CIT: variants seen among roughly 807,000 people sequenced by gnomAD.
CIT encodes the protein citron rho-interacting serine/threonine kinase.
CIT carries 79 observed loss-of-function variants against 272.7 expected under a neutral mutation model. The observed-to-expected ratio is 0.29, with a 90% CI of 0.24 to 0.35. The LOEUF is 0.35. Among genes scored for constraint, CIT ranks in the 10% least tolerant of loss-of-function variants. CIT has a pLI of 1.00. For synonymous variants in CIT, 948 were observed against 995.6 expected (o/e 0.95, Z 0.90); for missense variants, 1,909 against 2,618.3 (o/e 0.73, Z 5.91).
intron 32 of CIT, among the ~76,000 whole-genome samples, chr12:119,716,181 C>G (rs1957459119): frequency 6.6e-6 from 1 of 151,768 alleles, no homozygotes; most frequent in Non-Finnish European, 1.5e-5. Flanking sequence ...AGTTCAAGAC[C>G]AGCCTGGCCA....
At chr12:119,723,104 C>T (rs1306076571) in intron 28 of CIT, among the ~76,000 whole-genome samples, 1 of 151,954 alleles carries the variant, frequency 6.6e-6, no homozygotes, top group South Asian at 2.1e-4. Flanking sequence ...GGCCCGTGTG[C>T]GTAATCTGGA....
At chr12:119,811,050 C>T (rs1966843859) in intron 9 of CIT, among the ~76,000 whole-genome samples, 1 of 152,118 alleles carries the variant, frequency 6.6e-6, no homozygotes, top group Admixed American at 6.5e-5. Context: ...CAAGACCGGG[C>T]CTGGTGGCTA....
At chr12:119,771,614 G>A (rs1412817925) in intron 17 of CIT, among the ~76,000 whole-genome samples, 1 of 152,130 alleles carries the variant, frequency 6.6e-6, no homozygotes, top group East Asian at 1.9e-4. Context: ...GAAAGGTTTG[G>A]GATGGGGCAG....
rs187584686 is a variant in CIT, at chr12:119,730,343, G to A, written c.3486+152C>T. ...TACTGCCAACCAAAAATGTCCCATG[G>A]TAAGGCAAAACCATGGGACATTTTT... On this transcript the variant is annotated intron_variant, in intron 27 of 47. Coordinates refer to ENST00000392521, the MANE Select transcript of CIT (RefSeq NM_001206999.2). The A allele has an allele frequency of 1.8e-5, 16 of 897,612 alleles. No homozygotes were observed. The East Asian group carries it at 4.1e-4, about 23-fold the overall frequency. The allele number at this position is 897,612 out of a possible 1,614,324, so 55.6% of individuals were successfully genotyped here. A position where few individuals can be genotyped will look rare whatever the true frequency, so the allele number is the denominator to read the frequency against.
At chr12:119,723,036 C>G (rs2053209490) in intron 28 of CIT, among the ~76,000 whole-genome samples, 1 of 151,378 alleles carries the variant, frequency 6.6e-6, no homozygotes, top group East Asian at 1.9e-4. Context: ...GCCTGGGCGA[C>G]AGAGCAAGAC....
chr12:119,794,014 G>C (rs539640481), intron 10 of CIT, among the ~76,000 whole-genome samples: 20 of 152,204 alleles, frequency 1.3e-4, no homozygotes, highest in South Asian at 2.1e-4. Flanking sequence ...TGTCACCTTG[G>C]GATGCAACTC....
chr12:119,860,938 T>G (rs1420452511), intron 3 of CIT, among the ~76,000 whole-genome samples: 1 of 151,264 alleles, frequency 6.6e-6, no homozygotes, highest in Non-Finnish European at 1.5e-5. Context: ...CTGGCCAACA[T>G]GGTGAAACCC....
At chr12:119,757,911 C>G (rs1205674430) in intron 21 of CIT, among the ~76,000 whole-genome samples, 1 of 152,036 alleles carries the variant, frequency 6.6e-6, no homozygotes, top group Non-Finnish European at 1.5e-5. Flanking sequence ...CCCAGTAACT[C>G]ATGAAGGCAG....
intron 10 of CIT, among the ~76,000 whole-genome samples, chr12:119,792,940 G>A (rs1011323165): frequency 2.6e-5 from 4 of 151,918 alleles, no homozygotes; most frequent in Admixed American, 6.6e-5. Context: ...CCAGCCTGGC[G>A]ACAGAGTGAG....
intron 9 of CIT, among the ~76,000 whole-genome samples, chr12:119,819,038 G>C (rs1441402202): frequency 2.0e-5 from 3 of 152,170 alleles, no homozygotes; most frequent in African/African-American, 7.2e-5. Context: ...GAAAGATCAG[G>C]CTGGGTACAG....
intron 19 of CIT, among the ~76,000 whole-genome samples, chr12:119,766,003 G>A (rs1008027719): frequency 5.9e-5 from 9 of 152,130 alleles, no homozygotes; most frequent in Admixed American, 1.3e-4. Context: ...GTCCATCAGC[G>A]GATGAATGGA....
intron 5 of CIT, among the ~76,000 whole-genome samples, chr12:119,842,388 CAAA>C (rs58634070): frequency 1.5e-4 from 11 of 71,524 alleles, no homozygotes; most frequent in Middle Eastern, 8.3e-3. Flanking sequence ...GACTGCATCT[CAAA>C]AAAAAAAAAA....
At chr12:119,831,406 C>A (rs1270470786) in intron 7 of CIT, among the ~76,000 whole-genome samples, 1 of 152,004 alleles carries the variant, frequency 6.6e-6, no homozygotes, top group Non-Finnish European at 1.5e-5. Context: ...TGACACTGGA[C>A]AACATAGGGA....
At chr12:119,823,031 G>T in intron 8 of CIT, 58 bp from the exon 9 acceptor site, 1 of 1,503,004 alleles carries the variant, frequency 6.7e-7, no homozygotes. Context: ...TTCTCATGCT[G>T]CAAAGTGAAG....
intron 9 of CIT, among the ~76,000 whole-genome samples, chr12:119,807,627 T>C (rs1410356872): frequency 6.6e-6 from 1 of 152,086 alleles, no homozygotes; most frequent in Non-Finnish European, 1.5e-5. Flanking sequence ...TATAATTAAA[T>C]AGCAAGAAAA....
At chr12:119,743,713 A>C (rs1959167770) in intron 23 of CIT, among the ~76,000 whole-genome samples, 1 of 152,242 alleles carries the variant, frequency 6.6e-6, no homozygotes, top group East Asian at 1.9e-4. Context: ...CTGTTAAACT[A>C]TGACATGTTT....
At chr12:119,734,811 CT>C (rs977326216) in intron 25 of CIT, among the ~76,000 whole-genome samples, 1 of 151,718 alleles carries the variant, frequency 6.6e-6, no homozygotes, top group Non-Finnish European at 1.5e-5. Flanking sequence ...TAATTTTTAT[CT>C]TTTTTATTTT....
chr12:119,815,415 T>A (rs1011356940), intron 9 of CIT, among the ~76,000 whole-genome samples: 8 of 151,932 alleles, frequency 5.3e-5, no homozygotes, highest in Non-Finnish European at 1.2e-4. Context: ...CAATAAAAAT[T>A]ACTGAATTTG....
At chr12:119,725,994 T>G (rs1169239077) in intron 28 of CIT, among the ~76,000 whole-genome samples, 1 of 144,444 alleles carries the variant, frequency 6.9e-6, no homozygotes, top group Non-Finnish European at 1.5e-5. Flanking sequence ...AATTCCTATG[T>G]GTGTTCACCA....
Sources: allele counts gnomAD v4.1 joint callset (sites outside exome capture counted in the v4.1 genomes callset), GRCh38; gene constraint gnomAD v4.1.1; transcripts MANE v1.5; gene names NCBI Gene and HGNC (gene_info 2026-07-23, HGNC 2026-07-21).